The following ACTR3B variants were observed in gnomAD, a reference collection of about 807,000 sequenced individuals.
The protein encoded by ACTR3B is actin related protein 3B, also known as actin-related protein 3B.
ACTR3B carries 8 observed loss-of-function variants against 59.0 expected under a neutral mutation model. The ratio of observed to expected loss-of-function variants is 0.14; its 90% CI spans 0.08 to 0.24. ACTR3B has a LOEUF of 0.24. ACTR3B is among the 10% of genes least tolerant of loss of function. The probability of loss-of-function intolerance (pLI) is 1.00; values close to 1 mark genes in which losing one functional copy is unlikely to be tolerated. For missense variants in ACTR3B, 245 were observed against 552.3 expected (o/e 0.44, Z 5.58); for synonymous variants, 148 against 197.9 (o/e 0.75, Z 2.12).
At chr7:152,821,023 T>C (rs1796104944) in intron 7 of ACTR3B, among the ~76,000 whole-genome samples, 1 of 152,150 alleles carries the variant, frequency 6.6e-6, no homozygotes, top group African/African-American at 2.4e-5. Context: ...CCAGAGATGA[T>C]TCCCGAGGTG....
At chr7:152,768,817 T>C (rs575009174) in intron 1 of ACTR3B, among the ~76,000 whole-genome samples, 1 of 151,998 alleles carries the variant, frequency 6.6e-6, no homozygotes, top group East Asian at 1.9e-4. Context: ...AATGTGTCTA[T>C]ATGAACTACC....
At position 152,854,759 on chromosome 7, in the gene ACTR3B, T is replaced by C. The variant is rs779506539; in HGVS notation, c.*206T>C. On this transcript the variant is annotated 3_prime_UTR_variant, in exon 12 of 12. Transcript: ENST00000256001. This position sits in a 1 kb window ranked among gnomAD's most constrained non-coding sequence, Gnocchi z 4.9. ...GACCGCTGTCTGCCAGCCTCCTCCT[T>C]CTCCCGCCCTCCTCACCCTCGCTCT... 130 of 523,134 alleles carry C rather than the reference T, an allele frequency of 2.5e-4. 1 individual carries two copies. The highest frequency in any genetic ancestry group is 4.1e-4 in the Non-Finnish European group (119 of 292,476). 32.4% of individuals were successfully genotyped at this position (523,134 alleles called of 1,614,324 possible).
intron 4 of ACTR3B, chr7:152,814,164 G>T (rs1312294356): frequency 2.5e-5 from 5 of 202,166 alleles, no homozygotes; most frequent in African/African-American, 1.5e-4. Context: ...CCTTTGCTGA[G>T]ACCTGAAGTC....
chr7:152,830,368 G>T (rs970293500), intron 9 of ACTR3B, among the ~76,000 whole-genome samples: 9 of 152,358 alleles, frequency 5.9e-5, no homozygotes, highest in Admixed American at 5.9e-4. Flanking sequence ...TCCAGCAGTG[G>T]GTTGGGAGTT....
rs185653998 is a variant in ACTR3B, at chr7:152,770,930, G to A, written c.44+11004G>A. On this transcript the variant is annotated intron_variant, in intron 1 of 11. Transcript: ENST00000256001. ...AAAAATAGATGAAAAAGTATACTTT[G>A]GAAAGAGTACTTCAGTAATTAGAAT... 4.9e-4 allele frequency among the ~76,000 whole-genome samples: 73 copies of A among 148,944 alleles called. 1 individual carries two copies. Among genetic ancestry groups the A allele is most frequent in the African/African-American group, 1.7e-3 (68 of 40,132 alleles).
At chr7:152,853,749 C>T (rs1209972421) in intron 11 of ACTR3B, among the ~76,000 whole-genome samples, 172 bp downstream of exon 11, 1 of 152,120 alleles carries the variant, frequency 6.6e-6, no homozygotes, top group African/African-American at 2.4e-5. Flanking sequence ...TGGAGTCTCA[C>T]TCTGTCGCCC....
At chr7:152,764,037 G>T (rs569613834) in intron 1 of ACTR3B, among the ~76,000 whole-genome samples, 1 of 151,624 alleles carries the variant, frequency 6.6e-6, no homozygotes, top group Non-Finnish European at 1.5e-5. Flanking sequence ...ACGGAGTCTT[G>T]CTGTGTTGCC....
At chr7:152,768,561 C>G (rs2098116517) in intron 1 of ACTR3B, among the ~76,000 whole-genome samples, 1 of 152,148 alleles carries the variant, frequency 6.6e-6, no homozygotes, top group Non-Finnish European at 1.5e-5. Flanking sequence ...ACTGCAACCT[C>G]CACCTCCTGG....
chr7:152,791,419 T>C (rs1456980067), intron 2 of ACTR3B, among the ~76,000 whole-genome samples: 1 of 152,244 alleles, frequency 6.6e-6, no homozygotes, highest in African/African-American at 2.4e-5. Context: ...ATATTTTATT[T>C]TGAAATAATT....
At chr7:152,794,255 G>A (rs1444082748) in intron 2 of ACTR3B, among the ~76,000 whole-genome samples, 1 of 152,040 alleles carries the variant, frequency 6.6e-6, no homozygotes. Context: ...GTCTTGCTCT[G>A]TTGCCAGGCT....
At chr7:152,765,068 T>C (rs2098104167) in intron 1 of ACTR3B, among the ~76,000 whole-genome samples, 1 of 151,944 alleles carries the variant, frequency 6.6e-6, no homozygotes, top group South Asian at 2.1e-4. Context: ...TTTTACTTAT[T>C]TATTTTTATT....
intron 9 of ACTR3B, among the ~76,000 whole-genome samples, chr7:152,836,099 C>T (rs923791442): frequency 2.0e-5 from 3 of 149,574 alleles, no homozygotes; most frequent in African/African-American, 7.4e-5. Flanking sequence ...TCTGCAAGAC[C>T]ACAGAGATGT....
intron 9 of ACTR3B, among the ~76,000 whole-genome samples, chr7:152,851,563 C>T (rs1590478992): frequency 6.6e-6 from 1 of 152,208 alleles, no homozygotes; most frequent in Non-Finnish European, 1.5e-5. Context: ...GCGGGACAGG[C>T]GAGTGCTTCC....
rs538919394 is a variant in ACTR3B at position 152,854,517 on chromosome 7, C to T, written c.1221C>T (p.Ile407=). 7.0e-5 allele frequency: 113 copies of T among 1,614,084 alleles called. No homozygotes were observed. Among genetic ancestry groups the T allele is most frequent in the Non-Finnish European group, 9.3e-5 (110 of 1,180,056 alleles). The change falls in exon 12 of 12, where the codon ATC becomes ATT. Residue 407 remains isoleucine, a synonymous_variant. Coordinates refer to ENST00000256001, the MANE Select transcript of ACTR3B (RefSeq NM_020445.6). This position sits in a 1 kb window ranked among gnomAD's most constrained non-coding sequence, Gnocchi z 4.9. Reference sequence around the variant, plus strand: ...ACTATGAAGAGTACGGGCCCAGCATCTGCCGCCACAACCCCGTCTTTGGAG... The same window carrying T: ...ACTATGAAGAGTACGGGCCCAGCATTTGCCGCCACAACCCCGTCTTTGGAG... ...KKDYEEYGPS[I]CRHNPVFGVM...
At chr7:152,806,786 G>A (rs1239486851) in intron 4 of ACTR3B, among the ~76,000 whole-genome samples, 1 of 152,194 alleles carries the variant, frequency 6.6e-6, no homozygotes, top group African/African-American at 2.4e-5. Context: ...TGTCCACAAG[G>A]AAGTCTGGGA....
At chr7:152,826,854 G>T (rs914279810) in intron 9 of ACTR3B, among the ~76,000 whole-genome samples, 4 of 150,212 alleles carry the variant, frequency 2.7e-5, no homozygotes, top group Non-Finnish European at 5.9e-5. Flanking sequence ...TTGGGAAAAG[G>T]TGGCGAAAGG....
intron 7 of ACTR3B, among the ~76,000 whole-genome samples, chr7:152,822,695 AAGTGCCT>A (rs1796269003): frequency 6.6e-6 from 1 of 152,244 alleles, no homozygotes; most frequent in Non-Finnish European, 1.5e-5. Flanking sequence ...TGTGTATCCC[AAGTGCCT>A]AGACAATAAA....
intron 9 of ACTR3B, among the ~76,000 whole-genome samples, chr7:152,831,174 G>A (rs1796994687): frequency 6.6e-6 from 1 of 152,226 alleles, no homozygotes; most frequent in Admixed American, 6.5e-5. Context: ...GAAGGCTGAT[G>A]TTAACAACTG....
rs771989899 is a variant in ACTR3B at position 152,854,497 on chromosome 7, G to A, written c.1201G>A (p.Glu401Lys). ...FQVCHTKKDY[E>K]EYGPSICRHN... ...GGTCTGCCACACCAAGAAGGACTAT[G>A]AAGAGTACGGGCCCAGCATCTGCCG... Residue 401 changes from glutamate (E) to lysine (K), a missense_variant, in exon 12 of 12, where the codon GAA (glutamate) becomes AAA (lysine). Physicochemically the swap from Glu to Lys is moderately conservative, Grantham distance 56 (BLOSUM62 1). Around this residue, in one of 7 missense-constraint regions of ACTR3B, gnomAD observed 153 missense variants for 266.2 expected, o/e 0.57. Coordinates refer to ENST00000256001, the MANE Select transcript of ACTR3B (RefSeq NM_020445.6). The surrounding 1 kb of genome is among the most constrained non-coding windows in gnomAD (Gnocchi z 4.9). 6.2e-7 allele frequency: 1 copy of A among 1,614,156 alleles called. No individual in the cohort carries two copies. Among genetic ancestry groups the A allele is most frequent in the Admixed American group, 1.7e-5 (1 of 60,020 alleles).
Sources: allele counts gnomAD v4.1 joint callset (sites outside exome capture counted in the v4.1 genomes callset), GRCh38; gene constraint gnomAD v4.1.1; regional missense constraint gnomAD v4.1.1; non-coding constraint Gnocchi (gnomAD v3.1); transcripts MANE v1.5; gene names NCBI Gene and HGNC (gene_info 2026-07-23, HGNC 2026-07-21).